The following CHODL variants were observed in gnomAD, a reference collection of about 807,000 sequenced individuals.
The protein encoded by CHODL is chondrolectin.
CHODL carries 29 observed loss-of-function variants against 34.5 expected under a neutral mutation model. The observed-to-expected ratio is 0.84, with a 90% CI of 0.63 to 1.15. The LOEUF is 1.15. CHODL is among the 50% of genes most tolerant of loss of function. The probability of loss-of-function intolerance (pLI) is 0.00; values close to 1 mark genes in which losing one functional copy is unlikely to be tolerated. For missense variants in CHODL, 332 were observed against 332.5 expected (o/e 1.00, Z 0.01); for synonymous variants, 125 against 116.1 (o/e 1.08, Z -0.49).
chr21:18,205,268 C>T (rs889221467), intron 2 of CHODL, among the ~76,000 whole-genome samples: 3 of 152,056 alleles, frequency 2.0e-5, no homozygotes, highest in Non-Finnish European at 4.4e-5. Context: ...TCTTTCTATA[C>T]CCAGTTTTTC....
At chr21:18,251,765 AAAAT>A (rs1399297539) in intron 1 of CHODL, among the ~76,000 whole-genome samples, 4 of 143,178 alleles carry the variant, frequency 2.8e-5, no homozygotes, top group African/African-American at 7.6e-5. Flanking sequence ...TTTAATATAT[AAAAT>A]AAATATTTAT....
intron 2 of CHODL, among the ~76,000 whole-genome samples, chr21:18,078,457 CA>C (rs1568874159): frequency 6.6e-6 from 1 of 152,102 alleles, no homozygotes; most frequent in Non-Finnish European, 1.5e-5. Context: ...AGCTACAATT[CA>C]AGATGAAATT....
intron 1 of CHODL, among the ~76,000 whole-genome samples, chr21:17,969,551 T>C (rs2063598096): frequency 6.6e-6 from 1 of 152,234 alleles, no homozygotes; most frequent in Non-Finnish European, 1.5e-5. Context: ...TTATATTACA[T>C]TTTGAGAAAG....
intron 2 of CHODL, among the ~76,000 whole-genome samples, chr21:18,065,668 A>G (rs1163985552): frequency 6.6e-6 from 1 of 152,176 alleles, no homozygotes; most frequent in Non-Finnish European, 1.5e-5. Flanking sequence ...GCTCCGGAGA[A>G]GAACATCAGT....
At chr21:17,944,190 C>T (rs2135145) in intron 1 of CHODL, among the ~76,000 whole-genome samples, 64,672 of 151,838 alleles carry the variant, frequency 0.43, 14,070 homozygotes, top group East Asian at 0.61. Flanking sequence ...TTGGCTTTAT[C>T]CAGGAAGGTA....
At chr21:17,996,567 C>A (rs1455653921) in intron 1 of CHODL, among the ~76,000 whole-genome samples, 3 of 151,958 alleles carry the variant, frequency 2.0e-5, no homozygotes, top group African/African-American at 7.3e-5. Flanking sequence ...GTGGGGATGC[C>A]AAAAAGGGGA....
intron 1 of CHODL, among the ~76,000 whole-genome samples, chr21:17,999,778 A>G (rs1329741747): frequency 6.6e-6 from 1 of 152,188 alleles, no homozygotes; most frequent in Non-Finnish European, 1.5e-5. Context: ...ATACAATTCA[A>G]GCTGAGATTT....
intron 1 of CHODL, among the ~76,000 whole-genome samples, chr21:18,008,373 TATC>T (rs1239269789): frequency 1.3e-5 from 2 of 152,092 alleles, no homozygotes; most frequent in African/African-American, 4.8e-5. Context: ...CCTCTTAACA[TATC>T]ATAAAGTGCA....
chr21:18,020,047 G>A (rs1568847141), intron 1 of CHODL, among the ~76,000 whole-genome samples: 1 of 152,242 alleles, frequency 6.6e-6, no homozygotes, highest in African/African-American at 2.4e-5. Flanking sequence ...GAAATAGATG[G>A]CATTGAATGA....
intron 1 of CHODL, among the ~76,000 whole-genome samples, chr21:18,254,660 T>G: frequency 6.6e-6 from 1 of 152,138 alleles, no homozygotes. Context: ...TAGAACTAGC[T>G]AAATCCTATA....
intron 2 of CHODL, among the ~76,000 whole-genome samples, chr21:18,187,506 A>G (rs1201563481): frequency 6.6e-6 from 1 of 152,092 alleles, no homozygotes; most frequent in East Asian, 1.9e-4. Context: ...CGTTATAATT[A>G]TTGTGATATT....
intron 2 of CHODL, among the ~76,000 whole-genome samples, chr21:18,213,175 C>G (rs185812283): frequency 3.9e-5 from 6 of 152,208 alleles, no homozygotes. Context: ...TTGAGACACT[C>G]TTATAATTTA....
intron 2 of CHODL, among the ~76,000 whole-genome samples, chr21:18,189,460 T>G (rs897436503): frequency 6.6e-6 from 1 of 152,144 alleles, no homozygotes; most frequent in Non-Finnish European, 1.5e-5. Context: ...CATTTTCATT[T>G]AACTTAGTCT....
intron 2 of CHODL, among the ~76,000 whole-genome samples, chr21:18,048,365 G>T (rs1381411807): frequency 6.6e-6 from 1 of 151,832 alleles, no homozygotes; most frequent in Non-Finnish European, 1.5e-5. Context: ...TGTGAAATGA[G>T]ATAATTCCTG....
intron 2 of CHODL, among the ~76,000 whole-genome samples, chr21:18,190,177 A>G (rs2824700): frequency 0.53 from 80,361 of 151,996 alleles, 25,485 homozygotes; most frequent in African/African-American, 0.87. Flanking sequence ...TGTGTCTGGT[A>G]GTCCAAGGCA....
chr21:18,100,433 C>T (rs1430411461), intron 2 of CHODL, among the ~76,000 whole-genome samples: 1 of 151,854 alleles, frequency 6.6e-6, no homozygotes, highest in African/African-American at 2.4e-5. Context: ...GGGTGGTTAG[C>T]ATGGGGAAGG....
At chr21:18,005,076 G>A (rs1867705) in intron 1 of CHODL, among the ~76,000 whole-genome samples, 24,376 of 152,076 alleles carry the variant, frequency 0.16, 2,068 homozygotes, top group South Asian at 0.29. Flanking sequence ...CTTAAATACA[G>A]GTGTGTACGC....
chr21:18,124,503 C>T (rs921509408), intron 2 of CHODL, among the ~76,000 whole-genome samples: 1 of 152,156 alleles, frequency 6.6e-6, no homozygotes, highest in African/African-American at 2.4e-5. Context: ...GTTCCATATG[C>T]TCAAATATAT....
At chr21:18,114,515 C>T (rs2065389202) in intron 2 of CHODL, among the ~76,000 whole-genome samples, 1 of 152,028 alleles carries the variant, frequency 6.6e-6, no homozygotes, top group Non-Finnish European at 1.5e-5. Flanking sequence ...TGCAATGGTG[C>T]GATCTTGGCT....
Sources: allele counts gnomAD v4.1 joint callset (sites outside exome capture counted in the v4.1 genomes callset), GRCh38; gene constraint gnomAD v4.1.1; transcripts MANE v1.5; gene names NCBI Gene and HGNC (gene_info 2026-07-23, HGNC 2026-07-21).